MAGI2: variants seen among roughly 807,000 people sequenced by gnomAD.
MAGI2 encodes membrane-associated guanylate kinase, WW and PDZ domain-containing protein 2.
A neutral mutation model predicts 133.3 loss-of-function variants in MAGI2; 35 were observed. The observed-to-expected ratio is 0.26, with a 90% CI of 0.20 to 0.35. The LOEUF is 0.35. Ranked by LOEUF, MAGI2 falls within the 10% of genes least tolerant of loss-of-function variation. The probability of loss-of-function intolerance (pLI) is 1.00; values close to 1 mark genes in which losing one functional copy is unlikely to be tolerated. For missense variants in MAGI2, 1,636 were observed against 1,863.4 expected (o/e 0.88, Z 2.25); for synonymous variants, 729 against 710.6 (o/e 1.03, Z -0.41).
chr7:79,382,177 A>G (rs986159230), intron 1 of MAGI2, among the ~76,000 whole-genome samples: 5 of 151,654 alleles, frequency 3.3e-5, no homozygotes, highest in African/African-American at 1.2e-4. Context: ...ATTTATCTAG[A>G]CAGGGATCTC....
At chr7:78,867,302 A>G (rs1396379482) in intron 2 of MAGI2, among the ~76,000 whole-genome samples, 1 of 150,462 alleles carries the variant, frequency 6.6e-6, no homozygotes, top group Non-Finnish European at 1.5e-5. Flanking sequence ...AATGTCCAAC[A>G]ATGATAGACT....
At chr7:79,391,788 A>G (rs1225038105) in intron 1 of MAGI2, among the ~76,000 whole-genome samples, 1 of 151,642 alleles carries the variant, frequency 6.6e-6, no homozygotes, top group East Asian at 2.0e-4. Context: ...GGTTCACACC[A>G]TTCTCCTGCC....
intron 3 of MAGI2, among the ~76,000 whole-genome samples, chr7:78,580,599 C>T (rs1276713976): frequency 1.3e-5 from 2 of 152,284 alleles, no homozygotes; most frequent in East Asian, 3.9e-4. Flanking sequence ...AGTGATTTAA[C>T]TTCCTCATGA....
chr7:79,073,649 C>T (rs530064734), intron 1 of MAGI2, among the ~76,000 whole-genome samples: 107 of 152,080 alleles, frequency 7.0e-4, no homozygotes, highest in African/African-American at 2.4e-3. Context: ...TGCAGGGAGT[C>T]TTTTAAAAAC....
At chr7:78,335,019 A>G (rs1281233449) in intron 9 of MAGI2, among the ~76,000 whole-genome samples, 1 of 152,242 alleles carries the variant, frequency 6.6e-6, no homozygotes, top group Non-Finnish European at 1.5e-5. Flanking sequence ...TTATTGGAAC[A>G]CAGCCATACT....
intron 2 of MAGI2, among the ~76,000 whole-genome samples, chr7:78,739,279 C>T (rs1055453865): frequency 6.6e-6 from 1 of 152,116 alleles, no homozygotes; most frequent in South Asian, 2.1e-4. Context: ...GGCCAAAGGT[C>T]GTCAAACACC....
intron 1 of MAGI2, among the ~76,000 whole-genome samples, chr7:79,272,318 A>G (rs553825429): frequency 2.0e-5 from 3 of 152,116 alleles, no homozygotes; most frequent in Non-Finnish European, 4.4e-5. Context: ...ACTAAATGGC[A>G]CAGTCTTTAG....
At chr7:79,246,051 G>T (rs570218527) in intron 1 of MAGI2, among the ~76,000 whole-genome samples, 6 of 152,302 alleles carry the variant, frequency 3.9e-5, no homozygotes, top group Non-Finnish European at 7.4e-5. Context: ...GACCAAGGTG[G>T]TATGTAAGAC....
chr7:78,019,508 G>A lies in MAGI2; in HGVS notation c.4175C>T (p.Pro1392Leu), dbSNP rs1236207296. The A allele has an allele frequency of 5.1e-6, 5 of 979,946 alleles. No homozygotes were observed. The highest frequency in any genetic ancestry group is 1.2e-4 in the East Asian group (1 of 8,628). The allele number at this position is 979,946 out of a possible 1,614,324, so 60.7% of individuals were successfully genotyped here. The part of the protein sequence containing the change: ...GPGAAPAFAG[P>L]GGGGSGALEA... Reference sequence around the variant, plus strand: ...CAGCGCGCCGCTGCCGCCGCCGCCCGGGCCGGCAAACGCCGGCGCAGCCCC... The same window carrying A: ...CAGCGCGCCGCTGCCGCCGCCGCCCAGGCCGGCAAACGCCGGCGCAGCCCC... The change falls in exon 22 of 22, where the codon CCG becomes CTG. Residue 1392 changes from proline to leucine, a missense_variant. Physicochemically the swap from Pro to Leu is moderately conservative, Grantham distance 98. Coordinates refer to ENST00000354212, the MANE Select transcript of MAGI2 (RefSeq NM_012301.4).
At chr7:78,420,589 G>A (rs1798707890) in intron 6 of MAGI2, among the ~76,000 whole-genome samples, 1 of 148,656 alleles carries the variant, frequency 6.7e-6, no homozygotes, top group Admixed American at 6.7e-5. Flanking sequence ...AGGTCATATT[G>A]ATGGAAAATC....
At chr7:79,234,648 C>T (rs1182949659) in intron 1 of MAGI2, among the ~76,000 whole-genome samples, 1 of 151,852 alleles carries the variant, frequency 6.6e-6, no homozygotes, top group African/African-American at 2.4e-5. Context: ...GCTCCATCAG[C>T]TCCTTTAAGC....
intron 1 of MAGI2, among the ~76,000 whole-genome samples, chr7:79,129,943 A>G (rs1431572451): frequency 6.6e-6 from 1 of 152,102 alleles, no homozygotes; most frequent in Admixed American, 6.5e-5. Context: ...TAATCATGCA[A>G]TTTACACATT....
intron 7 of MAGI2, among the ~76,000 whole-genome samples, chr7:78,348,169 T>C (rs2151196923): frequency 6.6e-6 from 1 of 152,336 alleles, no homozygotes; most frequent in East Asian, 1.9e-4. Flanking sequence ...ATCAGACCTC[T>C]TATCTTTCCA....
At chr7:78,401,303 C>T (rs1796838786) in intron 6 of MAGI2, among the ~76,000 whole-genome samples, 1 of 152,166 alleles carries the variant, frequency 6.6e-6, no homozygotes, top group South Asian at 2.1e-4. Flanking sequence ...GCAACCTTGA[C>T]CTTGCCACAG....
At position 79,307,393 on chromosome 7, in the gene MAGI2, T is replaced by C. The variant is rs140085570; in HGVS notation, c.301+145627A>G. 5.1e-3 allele frequency among the ~76,000 whole-genome samples: 782 copies of C among 152,108 alleles called. 4 individuals are homozygous for C. Among genetic ancestry groups the C allele is most frequent in the African/African-American group, 0.018 (739 of 41,504 alleles). The stretch of plus-strand genomic sequence containing the variant: ...TTCCAGAGTTAGTGATACTTAGGAG[T>C]CTAGGTAAAGAATTACGATATGGAT... On this transcript the variant is annotated intron_variant, in intron 1 of 21. Coordinates refer to ENST00000354212, the MANE Select transcript of MAGI2 (RefSeq NM_012301.4).
At chr7:78,817,213 A>C (rs181479296) in intron 2 of MAGI2, among the ~76,000 whole-genome samples, 1 of 152,332 alleles carries the variant, frequency 6.6e-6, no homozygotes, top group East Asian at 1.9e-4. Context: ...ACTCATGACA[A>C]AACTTGAGGA....
chr7:78,354,800 G>A (rs1791896299), intron 7 of MAGI2, among the ~76,000 whole-genome samples: 1 of 152,128 alleles, frequency 6.6e-6, no homozygotes. Flanking sequence ...CGAGTTTTAG[G>A]GAGAAAAGGA....
intron 3 of MAGI2, among the ~76,000 whole-genome samples, chr7:78,558,705 T>C (rs946114831): frequency 6.6e-6 from 1 of 152,144 alleles, no homozygotes; most frequent in African/African-American, 2.4e-5. Context: ...TAAAATGACA[T>C]TCTCACAAGT....
At chr7:78,298,822 T>G (rs1471770438) in intron 9 of MAGI2, among the ~76,000 whole-genome samples, 4 of 144,030 alleles carry the variant, frequency 2.8e-5, no homozygotes, top group African/African-American at 1.1e-4. Context: ...TTTTTTTTTT[T>G]TTTTTTTTTT....
Sources: gnomAD v4.1 joint callset for allele counts (sites outside exome capture counted in the v4.1 genomes callset) on GRCh38, gnomAD v4.1.1 for gene constraint, MANE v1.5 for transcripts, NCBI Gene and HGNC (gene_info 2026-07-23, HGNC 2026-07-21) for gene names.